CD37: variants seen among roughly 807,000 people sequenced by gnomAD.
CD37 encodes the protein leukocyte antigen CD37.
A neutral mutation model predicts 38.9 loss-of-function variants in CD37; 37 were observed. The ratio of observed to expected loss-of-function variants is 0.95; its 90% CI spans 0.73 to 1.25. The LOEUF (loss-of-function observed/expected upper bound fraction) is 1.25. CD37 is among the 50% of genes most tolerant of loss of function. The pLI, the probability that CD37 is intolerant of heterozygous loss-of-function variation, is 0.00. For synonymous variants in CD37, 146 were observed against 150.1 expected (o/e 0.97, Z 0.20); for missense variants, 351 against 360.1 (o/e 0.97, Z 0.20).
rs1431400408 is a variant in CD37, at chr19:49,338,722, A to G, written c.470A>G (p.Tyr157Cys). Residue 157 changes from tyrosine to cysteine, a missense_variant, in exon 6 of 8, where the codon TAC (tyrosine) becomes TGC (cysteine). By Grantham distance (194) the Tyr-to-Cys change is radical. Transcript: ENST00000323906. This position sits in a 1 kb window ranked among gnomAD's most constrained non-coding sequence, Gnocchi z 5.0. The part of the protein sequence containing the change: ...QFQLRCCGWH[Y>C]PQDWFQVLIL... Reference sequence around the variant, plus strand: ...CAGCTGCGCTGCTGCGGCTGGCACTACCCGCAGGACTGGTTCCAAGTCCTC... The same window carrying G: ...CAGCTGCGCTGCTGCGGCTGGCACTGCCCGCAGGACTGGTTCCAAGTCCTC... 1 of 1,612,104 alleles carries G rather than the reference A, an allele frequency of 6.2e-7. No individual in the cohort carries two copies. Among genetic ancestry groups the G allele is most frequent in the South Asian group, 1.1e-5 (1 of 91,066 alleles).
Position 49,339,929 on chromosome 19 carries a change from C to A in CD37, c.769-322C>A, listed in dbSNP as rs1342033529. ...GAGGACCAGCCTGACACTGGAAGTGCGGGCGCAGAATTAGAGGAGGCACAA... is the reference window on the plus strand; with the variant it reads ...GAGGACCAGCCTGACACTGGAAGTGAGGGCGCAGAATTAGAGGAGGCACAA... On this transcript the variant is annotated intron_variant, in intron 7 of 7. Transcript: ENST00000323906. This position sits in a 1 kb window ranked among gnomAD's most constrained non-coding sequence, Gnocchi z 4.5. The A allele has an allele frequency of 1.5e-6, 2 of 1,368,560 alleles. No individual in the cohort carries two copies. Among genetic ancestry groups the A allele is most frequent in the Non-Finnish European group, 1.9e-6 (2 of 1,057,256 alleles). 84.8% of individuals were successfully genotyped at this position (1,368,560 alleles called of 1,614,324 possible). A position where few individuals can be genotyped will look rare whatever the true frequency, so the allele number is the denominator to read the frequency against.
Position 49,340,378 on chromosome 19 carries a change from A to C in CD37, c.*50A>C. 1 of 1,185,952 alleles carries C rather than the reference A, an allele frequency of 8.4e-7. No homozygotes were observed. Among genetic ancestry groups the C allele is most frequent in the Non-Finnish European group, 1.3e-6 (1 of 797,100 alleles). The allele number at this position is 1,185,952 out of a possible 1,614,324, so 73.5% of individuals were successfully genotyped here. A position where few individuals can be genotyped will look rare whatever the true frequency, so the allele number is the denominator to read the frequency against. On this transcript the variant is annotated 3_prime_UTR_variant, in exon 8 of 8. Coordinates refer to ENST00000323906, the MANE Select transcript of CD37 (RefSeq NM_001774.3). ...CCCGCCCCCGTCACGTGCGCTGGGC[A>C]CTTCCCTGCTGCCTGTAAATATTTG...
chr19:49,339,346 T>G lies in CD37; in HGVS notation c.701T>G (p.Leu234Arg). The G allele has an allele frequency of 1.9e-6, 3 of 1,613,914 alleles. No individual in the cohort carries two copies. Among genetic ancestry groups the G allele is most frequent in the Non-Finnish European group, 2.5e-6 (3 of 1,179,904 alleles). Residue 234 changes from leucine (L) to arginine (R), a missense_variant, in exon 7 of 8, where the codon CTC becomes CGC. Physicochemically the swap from Leu to Arg is moderately radical, Grantham distance 102. Coordinates refer to ENST00000323906, the MANE Select transcript of CD37 (RefSeq NM_001774.3). The surrounding 1 kb of genome is among the most constrained non-coding windows in gnomAD (Gnocchi z 4.5). ...HIYREGCAQGLQKWLHNNLIS... is the reference protein window; with the variant it reads ...HIYREGCAQGRQKWLHNNLIS... ...ACCCCCCAGGGCTGCGCGCAGGGCC[T>G]CCAGAAGTGGCTGCACAACAACCTT...
Position 49,336,541 on chromosome 19 carries a change from G to A in CD37, c.143-368G>A, listed in dbSNP as rs182447779. On this transcript the variant is annotated intron_variant, in intron 2 of 7. Coordinates refer to ENST00000323906, the MANE Select transcript of CD37 (RefSeq NM_001774.3). ...TCACTGCACTCCAGCCTGGGGGACA[G>A]AGCGAGGCTCCAACTCAAAAAAAAA... is the stretch of plus-strand genomic sequence containing the variant. 16 of 201,130 alleles carry A rather than the reference G, an allele frequency of 8.0e-5. No homozygotes were observed. The East Asian group carries it at 2.0e-3, about 25-fold the overall frequency. The allele number at this position is 201,130 out of a possible 1,614,324, so 12.5% of individuals were successfully genotyped here. A position where few individuals can be genotyped will look rare whatever the true frequency, so the allele number is the denominator to read the frequency against.
intron 4 of CD37, 154 bp downstream of exon 4, chr19:49,337,375 A>G (rs1304864590): frequency 1.3e-6 from 1 of 767,570 alleles, no homozygotes; most frequent in African/African-American, 1.7e-5. Flanking sequence ...CACGCCTGTA[A>G]TCCCATAATC....
chr19:49,337,685 C>T (rs1475652555), intron 4 of CD37: 3 of 1,527,188 alleles, frequency 2.0e-6, no homozygotes, highest in Non-Finnish European at 2.6e-6. Flanking sequence ...GGGAAACACA[C>T]GGGAAAAAGA....
Position 49,338,408 on chromosome 19 carries a change from T to G in CD37, c.448-292T>G, listed in dbSNP as rs1971042268. 6.6e-6 allele frequency among the ~76,000 whole-genome samples: 1 copy of G among 151,674 alleles called. No homozygotes were observed. Among genetic ancestry groups the G allele is most frequent in the Admixed American group, 6.6e-5 (1 of 15,226 alleles). On this transcript the variant is annotated intron_variant, in intron 5 of 7. Coordinates refer to ENST00000323906, the MANE Select transcript of CD37 (RefSeq NM_001774.3). This position sits in a 1 kb window ranked among gnomAD's most constrained non-coding sequence, Gnocchi z 5.0. ...ATGGTCTCGCACTCCTATTCACCTG[T>G]CGGGTATCAGAGGCTCAATTGCACC...
chr19:49,339,959 A>G lies in CD37; in HGVS notation c.769-292A>G. The G allele has an allele frequency of 3.6e-6, 5 of 1,406,260 alleles. No homozygotes were observed. The highest frequency in any genetic ancestry group is 4.6e-6 in the Non-Finnish European group (5 of 1,080,960). The allele number at this position is 1,406,260 out of a possible 1,614,324, so 87.1% of individuals were successfully genotyped here. The stretch of plus-strand genomic sequence containing the variant: ...GCAGAATTAGAGGAGGCACAATTAG[A>G]GGCTGAGGCAGAGGGGGAAGACAGA... On this transcript the variant is annotated intron_variant, in intron 7 of 7. Coordinates refer to ENST00000323906, the MANE Select transcript of CD37 (RefSeq NM_001774.3). This position sits in a 1 kb window ranked among gnomAD's most constrained non-coding sequence, Gnocchi z 4.5.
In CD37 at chr19:49,339,367, A is replaced by G; in HGVS notation, c.722A>G (p.Asn241Ser). ...AQGLQKWLHN[N>S]LISIVGICLG... ...GGCCTCCAGAAGTGGCTGCACAACA[A>G]CCTTATTTCCATAGTGGGCATTTGC... is the stretch of plus-strand genomic sequence containing the variant. Residue 241 changes from asparagine to serine, a missense_variant, in exon 7 of 8, where the codon AAC becomes AGC. Asn to Ser is a conservative substitution (Grantham distance 46). Coordinates refer to ENST00000323906, the MANE Select transcript of CD37 (RefSeq NM_001774.3). This position sits in a 1 kb window ranked among gnomAD's most constrained non-coding sequence, Gnocchi z 4.5. 3 of 1,613,802 alleles carry G rather than the reference A, an allele frequency of 1.9e-6. No homozygotes were observed. The highest frequency in any genetic ancestry group is 1.7e-6 in the Non-Finnish European group (2 of 1,179,878).
chr19:49,336,025 G>C, intron 2 of CD37: 1 of 573,546 alleles, frequency 1.7e-6, no homozygotes, highest in Non-Finnish European at 3.1e-6. Context: ...CGGGACTTGT[G>C]GCTGGTCAGA....
chr19:49,337,746 G>A (rs745542101), intron 4 of CD37, 179 bp from the exon 5 acceptor site: 113 of 1,536,546 alleles, frequency 7.4e-5, no homozygotes, highest in African/African-American at 5.9e-4. Context: ...AGAGACTTAT[G>A]AGCCGTAGAA....
In CD37 at chr19:49,339,006, G is replaced by C; in HGVS notation, c.684+70G>C. ...CTGCGGGAGGGGGAGGGCTGTCAGT[G>C]AGTAGCGGCCTGAGAAAGGGCGGGG... On this transcript the variant is annotated intron_variant, in intron 6 of 7. Transcript: ENST00000323906. This position sits in a 1 kb window ranked among gnomAD's most constrained non-coding sequence, Gnocchi z 4.5. 1 of 1,247,232 alleles carries C rather than the reference G, an allele frequency of 8.0e-7. No individual in the cohort carries two copies. Among genetic ancestry groups the C allele is most frequent in the Non-Finnish European group, 1.2e-6 (1 of 861,720 alleles). The allele number at this position is 1,247,232 out of a possible 1,614,324, so 77.3% of individuals were successfully genotyped here. A position where few individuals can be genotyped will look rare whatever the true frequency, so the allele number is the denominator to read the frequency against.
rs1161906466 is a variant in CD37, at chr19:49,339,667, A to C, written c.768+254A>C. Reference sequence around the variant, plus strand: ...TCCCCTTTCTCCGCAGATGACTGTCATGGTGCTGAGCGTACAGCTACAGCG... The same window carrying C: ...TCCCCTTTCTCCGCAGATGACTGTCCTGGTGCTGAGCGTACAGCTACAGCG... On this transcript the variant is annotated intron_variant, in intron 7 of 7. Transcript: ENST00000323906. The surrounding 1 kb of genome is among the most constrained non-coding windows in gnomAD (Gnocchi z 4.5). 5 of 1,427,918 alleles carry C rather than the reference A, an allele frequency of 3.5e-6. No homozygotes were observed. The Admixed American group carries it at 1.2e-4, about 33-fold the overall frequency. 88.5% of individuals were successfully genotyped at this position (1,427,918 alleles called of 1,614,324 possible).
Position 49,339,611 on chromosome 19 carries a change from G to A in CD37, c.768+198G>A. The A allele has an allele frequency of 2.1e-6, 3 of 1,438,028 alleles. No individual in the cohort carries two copies. The highest frequency in any genetic ancestry group is 2.7e-6 in the Non-Finnish European group (3 of 1,100,898). The allele number at this position is 1,438,028 out of a possible 1,614,324, so 89.1% of individuals were successfully genotyped here. ...GGAGCCCTGATTGGGTGTACGCAGG[G>A]AAAGCCTCCTGCTATTGGCTGCGAT... On this transcript the variant is annotated intron_variant, in intron 7 of 7. Transcript: ENST00000323906. This position sits in a 1 kb window ranked among gnomAD's most constrained non-coding sequence, Gnocchi z 4.5.
chr19:49,340,292 G>A lies in CD37; in HGVS notation c.810G>A (p.Leu270=), dbSNP rs758018839. The A allele has an allele frequency of 1.9e-6, 3 of 1,613,830 alleles. No individual in the cohort carries two copies. The East Asian group carries it at 6.7e-5, about 36-fold the overall frequency. The change falls in exon 8 of 8, where the codon CTG becomes CTA. Residue 270 remains leucine, a synonymous_variant. Transcript: ENST00000323906. ...TCTCGATATTCCTGTGCAGAAACCT[G>A]GACCACGTCTACAACCGGCTCGCTC... ...MTLSIFLCRN[L]DHVYNRLARY... is the part of the protein sequence containing the mutation.
chr19:49,335,842 G>T lies in CD37; in HGVS notation c.142+56G>T. ...TCCCCCAACCCAAGCAACTTCCTGG[G>T]GTCTCCCTTGTCTCAGGGAGACCTA... On this transcript the variant is annotated intron_variant, in intron 2 of 7. Transcript: ENST00000323906. The surrounding 1 kb of genome is among the most constrained non-coding windows in gnomAD (Gnocchi z 4.6). 7.0e-7 allele frequency: 1 copy of T among 1,430,084 alleles called. No homozygotes were observed. The allele number at this position is 1,430,084 out of a possible 1,614,324, so 88.6% of individuals were successfully genotyped here.
chr19:49,337,261 G>A (rs1467881067), intron 4 of CD37, 40 bp downstream of exon 4: 1 of 1,583,296 alleles, frequency 6.3e-7, no homozygotes, highest in African/African-American at 1.3e-5. Context: ...CCCCAGCAGG[G>A]AGGAGAGGGA....
At position 49,339,834 on chromosome 19, in the gene CD37, C is replaced by A. The variant is rs1971142011; in HGVS notation, c.769-417C>A. ...GGGGCATGGCGGGTGCCTGCCCCAA[C>A]TGGGGAGACAAGGCACCGCAGGGCA... On this transcript the variant is annotated intron_variant, in intron 7 of 7. Transcript: ENST00000323906. This position sits in a 1 kb window ranked among gnomAD's most constrained non-coding sequence, Gnocchi z 4.5. 2 of 1,339,016 alleles carry A rather than the reference C, an allele frequency of 1.5e-6. No individual in the cohort carries two copies. Among genetic ancestry groups the A allele is most frequent in the African/African-American group, 3.0e-5 (2 of 67,690 alleles). The allele number at this position is 1,339,016 out of a possible 1,614,324, so 82.9% of individuals were successfully genotyped here.
rs1391868690 is a variant in CD37 at position 49,338,258 on chromosome 19, T to TCCGCCC, written c.447+243_447+248dup. ...GGCTTCGCCATCTACCTCGAGAGACTCCGCCCCCGCCCCCGCCCCGACCAG... is the reference window on the plus strand; with the variant it reads ...GGCTTCGCCATCTACCTCGAGAGACTCCGCCCCCGCCCCCGCCCCCGCCCCGACCAG... On this transcript the variant is annotated intron_variant, in intron 5 of 7. Coordinates refer to ENST00000323906, the MANE Select transcript of CD37 (RefSeq NM_001774.3). This position sits in a 1 kb window ranked among gnomAD's most constrained non-coding sequence, Gnocchi z 5.0. The TCCGCCC allele has an allele frequency of 1.3e-5, 16 of 1,268,212 alleles. No individual in the cohort carries two copies. The highest frequency in any genetic ancestry group is 6.2e-5 in the Admixed American group (2 of 32,150). The allele number at this position is 1,268,212 out of a possible 1,614,324, so 78.6% of individuals were successfully genotyped here.
Sources: allele counts gnomAD v4.1 joint callset (sites outside exome capture counted in the v4.1 genomes callset), GRCh38; gene constraint gnomAD v4.1.1; non-coding constraint Gnocchi (gnomAD v3.1); transcripts MANE v1.5; gene names NCBI Gene and HGNC (gene_info 2026-07-23, HGNC 2026-07-21).